Variants in NUDT3 observed in about 807,000 individuals in gnomAD.
NUDT3 encodes diphosphoinositol polyphosphate phosphohydrolase 1.
In NUDT3, 9 loss-of-function variants were observed where a neutral mutation model predicts 23.6. The ratio of observed to expected loss-of-function variants is 0.38; its 90% CI spans 0.23 to 0.66. NUDT3 has a LOEUF of 0.66. NUDT3 is among the 30% of genes least tolerant of loss of function. The probability of loss-of-function intolerance (pLI) is 0.52; values close to 1 mark genes in which losing one functional copy is unlikely to be tolerated. For synonymous variants in NUDT3, 86 were observed against 82.6 expected (o/e 1.04, Z -0.22); for missense variants, 172 against 218.5 (o/e 0.79, Z 1.34).
intron 4 of NUDT3, 83 bp downstream of exon 4, chr6:34,293,368 T>C (rs200765734): frequency 6.5e-7 from 1 of 1,535,856 alleles, no homozygotes; most frequent in East Asian, 2.3e-5. Context: ...GGTACGCTCT[T>C]GTTTCTGGTT....
chr6:34,280,002 G>T lies in NUDT3; in HGVS notation c.*8751C>A, dbSNP rs1293358698. ...GGCCTGTTCTTTAGAGAGGAAGGTG[G>T]GATGGTATCTGCTGTGTACCTGTCT... On this transcript the variant is annotated 3_prime_UTR_variant, in exon 5 of 5. Coordinates refer to ENST00000607016, the MANE Select transcript of NUDT3 (RefSeq NM_006703.4). 6.6e-6 allele frequency: 1 copy of T among 152,248 alleles called. No homozygotes were observed. Among genetic ancestry groups the T allele is most frequent in the African/African-American group, 2.4e-5 (1 of 41,398 alleles). 9.4% of individuals were successfully genotyped at this position (152,248 alleles called of 1,614,324 possible).
rs555768374 is a variant in NUDT3, at chr6:34,313,663, T to TAA, written c.211-17980_211-17979dup. On this transcript the variant is annotated intron_variant, in intron 2 of 4. Transcript: ENST00000607016. ...ATTTTGCTGTGAATCTAAAACGGCT[T>TAA]AAAAAAAAAAAAGTTAAGGCCGGGC... 9.0e-4 allele frequency among the ~76,000 whole-genome samples: 130 copies of TAA among 144,308 alleles called. No individual in the cohort carries two copies. In the East Asian group the frequency reaches 0.011, roughly 12 times the overall value. The allele number at this position is 144,308 out of a possible 152,430, so 94.7% of individuals were successfully genotyped here.
At chr6:34,297,077 G>A (rs776429127) in intron 2 of NUDT3, among the ~76,000 whole-genome samples, 8 of 151,578 alleles carry the variant, frequency 5.3e-5, no homozygotes, top group Non-Finnish European at 8.8e-5. Context: ...GACTACAGGT[G>A]CCCGCCACCA....
intron 2 of NUDT3, among the ~76,000 whole-genome samples, chr6:34,326,711 C>T (rs985013524): frequency 3.3e-5 from 5 of 152,056 alleles, no homozygotes; most frequent in African/African-American, 7.2e-5. Flanking sequence ...AGCAATTCTC[C>T]TGCCTCAGCC....
chr6:34,311,125 A>G (rs1763765657), intron 2 of NUDT3, among the ~76,000 whole-genome samples: 1 of 152,208 alleles, frequency 6.6e-6, no homozygotes, highest in South Asian at 2.1e-4. Context: ...GTGAGAAACT[A>G]GAATAAAACA....
chr6:34,357,239 A>T (rs1194024696), intron 1 of NUDT3, among the ~76,000 whole-genome samples: 1 of 152,158 alleles, frequency 6.6e-6, no homozygotes, highest in Non-Finnish European at 1.5e-5. Flanking sequence ...AGCTGATAAC[A>T]GTTGAAGCTG....
intron 1 of NUDT3, among the ~76,000 whole-genome samples, chr6:34,369,718 A>AT (rs532597293): frequency 8.5e-5 from 13 of 152,166 alleles, no homozygotes; most frequent in South Asian, 2.1e-4. Context: ...CAATGAAAAG[A>AT]TTTTTTAAAA....
intron 2 of NUDT3, among the ~76,000 whole-genome samples, chr6:34,303,159 G>A (rs1045366579): frequency 6.8e-6 from 1 of 146,294 alleles, no homozygotes; most frequent in Non-Finnish European, 1.5e-5. Flanking sequence ...GGCCTCCTGA[G>A]TAACGCGGAT....
chr6:34,366,719 G>A (rs1764741195), intron 1 of NUDT3, among the ~76,000 whole-genome samples: 1 of 151,616 alleles, frequency 6.6e-6, no homozygotes, highest in African/African-American at 2.4e-5. Context: ...ACCATATCTG[G>A]CTGAGACTTA....
Position 34,321,647 on chromosome 6 carries a change from C to T in NUDT3, c.210+20215G>A, listed in dbSNP as rs984479481. ...AGAAGTGGCAAATCTCAGGGAAGAT[C>T]GACCACCACTATCTTTCCCAATCCA... On this transcript the variant is annotated intron_variant, in intron 2 of 4. Transcript: ENST00000607016. Among the ~76,000 whole-genome samples the T allele has an allele frequency of 3.9e-5, 6 of 152,014 alleles. No individual in the cohort carries two copies. The East Asian group carries it at 5.8e-4, about 15-fold the overall frequency.
At chr6:34,302,741 CAAAACAA>C (rs1763618850) in intron 2 of NUDT3, among the ~76,000 whole-genome samples, 1 of 151,996 alleles carries the variant, frequency 6.6e-6, no homozygotes, top group Non-Finnish European at 1.5e-5. Flanking sequence ...CTCAAAAAAA[CAAAACAA>C]AAAACAAAAA....
intron 1 of NUDT3, among the ~76,000 whole-genome samples, chr6:34,343,572 C>T (rs1764321192): frequency 6.6e-6 from 1 of 151,646 alleles, no homozygotes; most frequent in Non-Finnish European, 1.5e-5. Flanking sequence ...ATTGGACTGT[C>T]TCAGACCTTA....
chr6:34,356,992 T>G (rs1764571538), intron 1 of NUDT3, among the ~76,000 whole-genome samples: 1 of 152,150 alleles, frequency 6.6e-6, no homozygotes, highest in South Asian at 2.1e-4. Flanking sequence ...TTAGCCAGGA[T>G]GGTCTCGATC....
rs555670801 is a variant in NUDT3 at position 34,367,763 on chromosome 6, T to C, written c.99+24501A>G. Among the ~76,000 whole-genome samples the C allele has an allele frequency of 1.2e-4, 18 of 152,354 alleles. No individual in the cohort carries two copies. In the East Asian group the frequency reaches 2.3e-3, roughly 20 times the overall value. On this transcript the variant is annotated intron_variant, in intron 1 of 4. Coordinates refer to ENST00000607016, the MANE Select transcript of NUDT3 (RefSeq NM_006703.4). ...TGCTTCTAGCCTTGCATTTGGACAT[T>C]GCTGCTCTAAGGCAAGCTCAGAGCA...
intron 2 of NUDT3, among the ~76,000 whole-genome samples, chr6:34,307,998 G>GT (rs1763707224): frequency 6.6e-6 from 1 of 151,536 alleles, no homozygotes; most frequent in Non-Finnish European, 1.5e-5. Flanking sequence ...GCACATGCCT[G>GT]TAATCCCAGC....
chr6:34,343,575 A>G (rs1270420016), intron 1 of NUDT3, among the ~76,000 whole-genome samples: 1 of 151,930 alleles, frequency 6.6e-6, no homozygotes, highest in Non-Finnish European at 1.5e-5. Context: ...GGACTGTCTC[A>G]GACCTTATAC....
intron 1 of NUDT3, among the ~76,000 whole-genome samples, chr6:34,354,541 G>A (rs912690689): frequency 1.3e-5 from 2 of 151,702 alleles, no homozygotes; most frequent in Non-Finnish European, 2.9e-5. Context: ...TGGCCAACAT[G>A]GTGAAACCCC....
Position 34,288,900 on chromosome 6 carries a change from G to C in NUDT3, c.372C>G (p.Asp124Glu), listed in dbSNP as rs776425812. The stretch of plus-strand genomic sequence containing the variant: ...TGTGATACTGCAGCACTTTTATGGC[G>C]TCTTCTATTTTAAACCATTCCCTCT... ...GRKREWFKIE[D>E]AIKVLQYHKP... is the part of the protein sequence containing the mutation. Residue 124 changes from aspartate (D) to glutamate (E), a missense_variant, in exon 5 of 5, where the codon GAC (aspartate) becomes GAG (glutamate). Asp to Glu is a conservative substitution (Grantham distance 45). Around this residue, in one of 3 missense-constraint regions of NUDT3, gnomAD observed 63 missense variants for 64.9 expected, o/e 0.97. Coordinates refer to ENST00000607016, the MANE Select transcript of NUDT3 (RefSeq NM_006703.4). The C allele has an allele frequency of 1.2e-6, 2 of 1,613,044 alleles. No homozygotes were observed. The highest frequency in any genetic ancestry group is 1.7e-5 in the Admixed American group (1 of 59,776).
At chr6:34,341,756 G>T in intron 2 of NUDT3, 106 bp downstream of exon 2, 1 of 934,204 alleles carries the variant, frequency 1.1e-6, no homozygotes, top group Non-Finnish European at 1.5e-6. Flanking sequence ...CCCTTTTTCT[G>T]TGACTGTATA....
Sources: gnomAD v4.1 joint callset for allele counts (sites outside exome capture counted in the v4.1 genomes callset) on GRCh38, gnomAD v4.1.1 for gene constraint, gnomAD v4.1.1 regional missense constraint, MANE v1.5 for transcripts, NCBI Gene and HGNC (gene_info 2026-07-23, HGNC 2026-07-21) for gene names.